Variants in PIP5K1B observed in about 807,000 individuals in gnomAD.
PIP5K1B encodes phosphatidylinositol 4-phosphate 5-kinase type-1 beta.
In PIP5K1B, 42 loss-of-function variants were observed where a neutral mutation model predicts 67.0. The observed-to-expected ratio is 0.63, with a 90% CI of 0.49 to 0.81. The LOEUF is 0.81. Among genes scored for constraint, PIP5K1B ranks in the 30% least tolerant of loss-of-function variants. The probability of loss-of-function intolerance (pLI) is 0.00; values close to 1 mark genes in which losing one functional copy is unlikely to be tolerated. For synonymous variants in PIP5K1B, 214 were observed against 231.4 expected, an observed-to-expected ratio of 0.92 and a Z score of 0.68; for missense variants, 459 against 646.3, an observed-to-expected ratio of 0.71 and a Z score of 3.14.
intron 4 of PIP5K1B, among the ~76,000 whole-genome samples, chr9:68,833,513 G>C (rs955068723): frequency 6.6e-6 from 1 of 152,204 alleles, no homozygotes; most frequent in African/African-American, 2.4e-5. Context: ...AGACAGTGCT[G>C]TCAGAACTGA....
At chr9:68,746,891 C>T (rs1282203132) in intron 2 of PIP5K1B, among the ~76,000 whole-genome samples, 1 of 152,138 alleles carries the variant, frequency 6.6e-6, no homozygotes, top group East Asian at 1.9e-4. Flanking sequence ...AGCATGTTTA[C>T]AGGTAGTAGA....
chr9:68,805,574 A>G (rs1306279960), intron 2 of PIP5K1B, among the ~76,000 whole-genome samples: 2 of 152,154 alleles, frequency 1.3e-5, no homozygotes, highest in African/African-American at 2.4e-5. Flanking sequence ...AGGTTAAGCC[A>G]CTTGAGGATT....
intron 2 of PIP5K1B, among the ~76,000 whole-genome samples, chr9:68,765,784 T>C (rs1830399077): frequency 6.6e-6 from 1 of 152,168 alleles, no homozygotes; most frequent in Non-Finnish European, 1.5e-5. Context: ...AGAATGATCA[T>C]ACCAAGGTTG....
At chr9:68,866,450 A>T (rs1823359577) in intron 5 of PIP5K1B, among the ~76,000 whole-genome samples, 1 of 152,152 alleles carries the variant, frequency 6.6e-6, no homozygotes, top group African/African-American at 2.4e-5. Context: ...ATATATCTAC[A>T]CACATATGCA....
At chr9:68,971,696 G>T (rs1357750339) in intron 14 of PIP5K1B, among the ~76,000 whole-genome samples, 2 of 152,184 alleles carry the variant, frequency 1.3e-5, no homozygotes, top group Admixed American at 6.5e-5. Flanking sequence ...TCTAACTGGC[G>T]TGAGATGGTA....
At chr9:68,780,134 T>C (rs1467136194) in intron 2 of PIP5K1B, 1 of 1,506,866 alleles carries the variant, frequency 6.6e-7, no homozygotes, top group South Asian at 1.4e-5. Flanking sequence ...GGTCCCTGAC[T>C]GAGCACCTCC....
chr9:68,777,905 T>A (rs548142906), intron 2 of PIP5K1B, among the ~76,000 whole-genome samples: 46 of 152,360 alleles, frequency 3.0e-4, no homozygotes, highest in African/African-American at 1.1e-3. Flanking sequence ...CCTGTTTTTA[T>A]TGAATAATTT....
At chr9:68,836,219 T>C (rs1834600157) in intron 4 of PIP5K1B, among the ~76,000 whole-genome samples, 1 of 152,232 alleles carries the variant, frequency 6.6e-6, no homozygotes, top group South Asian at 2.1e-4. Flanking sequence ...GTTATTTCTT[T>C]ATTTTTAACT....
chr9:68,918,269 T>C (rs930238017), intron 9 of PIP5K1B, among the ~76,000 whole-genome samples: 2 of 152,056 alleles, frequency 1.3e-5, no homozygotes, highest in Non-Finnish European at 2.9e-5. Flanking sequence ...TTTGTATTTT[T>C]AGTAGAGATG....
chr9:68,744,997 A>T (rs1829216389), intron 2 of PIP5K1B, among the ~76,000 whole-genome samples: 1 of 152,118 alleles, frequency 6.6e-6, no homozygotes, highest in Non-Finnish European at 1.5e-5. Flanking sequence ...GGAAACACTC[A>T]CACTTCCTTT....
chr9:68,770,967 G>T (rs549371413), intron 2 of PIP5K1B, among the ~76,000 whole-genome samples: 3 of 152,202 alleles, frequency 2.0e-5, no homozygotes, highest in East Asian at 3.8e-4. Flanking sequence ...AAATTTGAGA[G>T]ATATCAGCAT....
intron 1 of PIP5K1B, among the ~76,000 whole-genome samples, chr9:68,707,193 T>G (rs549852296): frequency 5.3e-4 from 80 of 152,182 alleles, no homozygotes; most frequent in Non-Finnish European, 1.0e-3. Context: ...TTGAGACTGA[T>G]GTATGATGAC....
intron 13 of PIP5K1B, among the ~76,000 whole-genome samples, chr9:68,937,325 T>G (rs1253352445): frequency 6.6e-6 from 1 of 152,246 alleles, no homozygotes; most frequent in East Asian, 1.9e-4. Context: ...GACTTCTTCC[T>G]GGTTTAGACT....
chr9:68,826,102 A>G (rs1833964870), intron 4 of PIP5K1B, among the ~76,000 whole-genome samples: 1 of 152,242 alleles, frequency 6.6e-6, no homozygotes, highest in Admixed American at 6.5e-5. Context: ...GTCTTCAGCT[A>G]ATGGCTAAAA....
intron 2 of PIP5K1B, among the ~76,000 whole-genome samples, chr9:68,756,882 A>G (rs909883218): frequency 6.6e-6 from 1 of 152,206 alleles, no homozygotes; most frequent in Non-Finnish European, 1.5e-5. Flanking sequence ...GTAGCCTAAT[A>G]TATCAAGAAT....
chr9:68,798,371 G>A (rs981765089), intron 2 of PIP5K1B, among the ~76,000 whole-genome samples: 1 of 152,178 alleles, frequency 6.6e-6, no homozygotes, highest in Admixed American at 6.5e-5. Context: ...GACATGTTAA[G>A]CTGCTGGCTT....
At chr9:68,805,675 C>A (rs553928833) in intron 2 of PIP5K1B, among the ~76,000 whole-genome samples, 45 of 152,250 alleles carry the variant, frequency 3.0e-4, no homozygotes, top group African/African-American at 1.0e-3. Context: ...GCTGTCATCA[C>A]CTGTCACATT....
intron 14 of PIP5K1B, among the ~76,000 whole-genome samples, chr9:68,989,121 T>A (rs1270522694): frequency 1.7e-3 from 139 of 82,842 alleles, no homozygotes; most frequent in East Asian, 3.0e-3. Flanking sequence ...AAAAAAAAAA[T>A]CCACACAATT....
intron 4 of PIP5K1B, among the ~76,000 whole-genome samples, chr9:68,853,354 C>A (rs1822591513): frequency 6.6e-6 from 1 of 152,150 alleles, no homozygotes; most frequent in South Asian, 2.1e-4. Context: ...GGCTGGCCCA[C>A]TGTGAGATAT....
Sources: allele counts gnomAD v4.1 joint callset (sites outside exome capture counted in the v4.1 genomes callset), GRCh38; gene constraint gnomAD v4.1.1; transcripts MANE v1.5; gene names NCBI Gene and HGNC (gene_info 2026-07-23, HGNC 2026-07-21).